GRID2: variants seen among roughly 807,000 people sequenced by gnomAD.
The protein encoded by GRID2 is glutamate ionotropic receptor delta type subunit 2.
Under a neutral mutation model 114.8 loss-of-function variants are expected in GRID2, and 33 were observed. The observed-to-expected ratio is 0.29, with a 90% CI of 0.22 to 0.38. GRID2 has a LOEUF of 0.38. GRID2 is among the 10% of genes least tolerant of loss of function. The pLI, the probability that GRID2 is intolerant of heterozygous loss-of-function variation, is 1.00. For synonymous variants in GRID2, 505 were observed against 449.9 expected (o/e 1.12, Z -1.55); for missense variants, 1,184 against 1,257.7 (o/e 0.94, Z 0.89).
At chr4:92,928,267 G>C (rs918443534) in intron 2 of GRID2, among the ~76,000 whole-genome samples, 1 of 151,794 alleles carries the variant, frequency 6.6e-6, no homozygotes, top group South Asian at 2.1e-4. Context: ...CTTATTTACA[G>C]AGTAAAAAGT....
At chr4:92,619,852 A>G (rs1008533601) in intron 2 of GRID2, among the ~76,000 whole-genome samples, 3 of 151,152 alleles carry the variant, frequency 2.0e-5, no homozygotes, top group Admixed American at 6.6e-5. Flanking sequence ...CTTTAAGGAG[A>G]TTTGCTGAGC....
At chr4:92,974,776 T>A (rs1192576889) in intron 2 of GRID2, among the ~76,000 whole-genome samples, 1 of 152,040 alleles carries the variant, frequency 6.6e-6, no homozygotes, top group African/African-American at 2.4e-5. Context: ...AGGGCACGTG[T>A]ACATCTATGT....
chr4:93,557,423 G>C (rs913053969), intron 13 of GRID2, among the ~76,000 whole-genome samples: 2 of 152,112 alleles, frequency 1.3e-5, no homozygotes, highest in African/African-American at 4.8e-5. Context: ...GAAAAAGAAA[G>C]CAGGGGTTGC....
chr4:93,170,443 T>C (rs1738694786), intron 4 of GRID2, among the ~76,000 whole-genome samples: 1 of 152,090 alleles, frequency 6.6e-6, no homozygotes, highest in Non-Finnish European at 1.5e-5. Flanking sequence ...CAGTCATATC[T>C]CTGGTCATCT....
intron 2 of GRID2, among the ~76,000 whole-genome samples, chr4:92,604,964 TAGTG>T (rs77075813): frequency 6.6e-6 from 1 of 152,044 alleles, no homozygotes; most frequent in Non-Finnish European, 1.5e-5. Context: ...GTTCTCCTGA[TAGTG>T]AGTTCTCGCA....
At chr4:92,356,310 A>G (rs1579230853) in intron 1 of GRID2, among the ~76,000 whole-genome samples, 1 of 151,368 alleles carries the variant, frequency 6.6e-6, no homozygotes. Context: ...TGGTTTTCTT[A>G]TGTTAGAGTT....
At chr4:92,463,010 ATAAAG>A (rs1560647585) in intron 1 of GRID2, among the ~76,000 whole-genome samples, 1 of 152,016 alleles carries the variant, frequency 6.6e-6, no homozygotes, top group Non-Finnish European at 1.5e-5. Flanking sequence ...GTATAACATT[ATAAAG>A]TAAACCATTG....
intron 1 of GRID2, among the ~76,000 whole-genome samples, chr4:92,489,844 TAAA>T (rs34912004): frequency 3.0e-5 from 4 of 132,644 alleles, no homozygotes; most frequent in Admixed American, 7.7e-5. Context: ...AGACTCCATT[TAAA>T]AAAAAAAAAA....
At chr4:93,601,370 C>A (rs767810547) in intron 13 of GRID2, among the ~76,000 whole-genome samples, 1 of 152,148 alleles carries the variant, frequency 6.6e-6, no homozygotes, top group African/African-American at 2.4e-5. Context: ...ACATGGGTGT[C>A]CTGGAACATG....
downstream of GRID2, among the ~76,000 whole-genome samples, chr4:93,776,842 A>G (rs1235072259): frequency 3.3e-5 from 5 of 152,222 alleles, no homozygotes; most frequent in Admixed American, 6.5e-5. Context: ...CATACCATTC[A>G]GAGACTGACT....
chr4:92,632,693 TGAAGAAAGG>T (rs1197318120), intron 2 of GRID2, among the ~76,000 whole-genome samples: 4 of 133,392 alleles, frequency 3.0e-5, no homozygotes, highest in African/African-American at 8.5e-5. Flanking sequence ...AGGGAAGAAG[TGAAGAAAGG>T]GAAGGAAGGG....
rs1295525610 is a variant in GRID2 at position 93,110,959 on chromosome 4, T to C, written c.735+6T>C. 6.3e-7 allele frequency: 1 copy of C among 1,582,258 alleles called. No homozygotes were observed. Among genetic ancestry groups the C allele is most frequent in the Non-Finnish European group, 8.7e-7 (1 of 1,151,006 alleles). On this transcript the variant is annotated splice_donor_region_variant and intron_variant, in intron 4 of 15. Transcript: ENST00000282020. Reference sequence around the variant, plus strand: ...CCAAATCCTTCATTACTGAGGTAAGTGAAAATTGTCTTGGGGTGAGAGTTG... The same window carrying C: ...CCAAATCCTTCATTACTGAGGTAAGCGAAAATTGTCTTGGGGTGAGAGTTG...
chr4:92,481,713 T>C (rs1386051419), intron 1 of GRID2, among the ~76,000 whole-genome samples: 1 of 151,936 alleles, frequency 6.6e-6, no homozygotes, highest in African/African-American at 2.4e-5. Flanking sequence ...CAGATGAATT[T>C]CATGTTATTT....
chr4:92,923,969 A>G (rs888693433), intron 2 of GRID2, among the ~76,000 whole-genome samples: 10 of 152,198 alleles, frequency 6.6e-5, no homozygotes, highest in Non-Finnish European at 1.3e-4. Flanking sequence ...TTGCGGCACT[A>G]TTCACAATAG....
chr4:92,599,955 G>A (rs557894112), intron 2 of GRID2, among the ~76,000 whole-genome samples: 309 of 149,558 alleles, frequency 2.1e-3, no homozygotes, highest in African/African-American at 7.1e-3. Flanking sequence ...AACCTGGGAG[G>A]TGGACATTGC....
intron 2 of GRID2, among the ~76,000 whole-genome samples, chr4:92,590,542 C>T (rs1728662318): frequency 6.6e-6 from 1 of 152,070 alleles, no homozygotes; most frequent in Admixed American, 6.6e-5. Context: ...AGCTTTGCAA[C>T]ATTTTTATGA....
At chr4:92,941,975 T>A (rs552182942) in intron 2 of GRID2, among the ~76,000 whole-genome samples, 2,256 of 152,210 alleles carry the variant, frequency 0.015, 20 homozygotes, top group East Asian at 0.054. Context: ...TGCTGAGGAA[T>A]GCTTTACTTC....
At chr4:93,631,291 T>C (rs1578440579) in intron 14 of GRID2, among the ~76,000 whole-genome samples, 4 of 152,132 alleles carry the variant, frequency 2.6e-5, no homozygotes, top group African/African-American at 9.7e-5. Context: ...TATGTATACA[T>C]GTGCCATGTT....
chr4:92,603,917 A>G (rs1411182726), intron 2 of GRID2, among the ~76,000 whole-genome samples: 1 of 151,830 alleles, frequency 6.6e-6, no homozygotes, highest in Non-Finnish European at 1.5e-5. Context: ...AAACATTTAT[A>G]TGGCCAAAAA....
Sources: gnomAD v4.1 joint callset for allele counts (sites outside exome capture counted in the v4.1 genomes callset) on GRCh38, gnomAD v4.1.1 for gene constraint, MANE v1.5 for transcripts, NCBI Gene and HGNC (gene_info 2026-07-23, HGNC 2026-07-21) for gene names.